POLA1: variants seen among roughly 807,000 people sequenced by gnomAD.
POLA1 encodes DNA polymerase alpha 1, catalytic subunit.
POLA1 carries 15 observed loss-of-function variants against 124.0 expected under a neutral mutation model. That is an observed-to-expected ratio of 0.12 (90% CI 0.08 to 0.19). The LOEUF (loss-of-function observed/expected upper bound fraction) is 0.19. Ranked by LOEUF, POLA1 falls within the 10% of genes least tolerant of loss-of-function variation. The pLI is 1.00. For synonymous variants in POLA1, 408 were observed against 389.4 expected, an observed-to-expected ratio of 1.05 and a Z score of -0.56; for missense variants, 886 against 1,103.4, an observed-to-expected ratio of 0.80 and a Z score of 2.79.
At chrX:24,714,521 A>G (rs750626929) in intron 4 of POLA1, 33 bp from the exon 5 acceptor site, 14 of 881,053 alleles carry the variant, frequency 1.6e-5, no homozygotes, top group East Asian at 3.2e-5. Flanking sequence ...ATTTTTGCTG[A>G]TGCATGTTTC....
chrX:24,921,425 T>C (rs915770079), intron 35 of POLA1, among the ~76,000 whole-genome samples: 1 of 112,295 alleles, frequency 8.9e-6, no homozygotes, highest in Non-Finnish European at 1.9e-5. Flanking sequence ...GGTATATAAA[T>C]GGAAATATCC....
Position 24,742,077 on chromosome X carries a change from A to G in POLA1, c.2422A>G (p.Ile808Val). ...LLHAFYENNY[I>V]VPDKQIFRKP... Reference sequence around the variant, plus strand: ...TCATGCATTTTACGAAAACAACTATATTGTGCCTGACAAGCAGATTTTCAG... The same window carrying G: ...TCATGCATTTTACGAAAACAACTATGTTGTGCCTGACAAGCAGATTTTCAG... Residue 808 changes from isoleucine (I) to valine (V), a missense_variant, in exon 22 of 37, where the codon ATT becomes GTT. This residue lies in a region of POLA1 where 182 missense variants were observed against 252.8 expected (regional missense o/e 0.72). Coordinates refer to ENST00000379068, the MANE Select transcript of POLA1 (RefSeq NM_001330360.2). 1 of 1,200,239 alleles carries G rather than the reference A, an allele frequency of 8.3e-7. No homozygotes were observed.
At chrX:24,960,850 C>CGTAT (rs1231796908) in intron 36 of POLA1, among the ~76,000 whole-genome samples, 1 of 111,985 alleles carries the variant, frequency 8.9e-6, no homozygotes, top group Admixed American at 9.5e-5. Context: ...CAATTTGATA[C>CGTAT]GTATGTAATG....
At chrX:24,895,098 A>T (rs1023700057) in intron 35 of POLA1, among the ~76,000 whole-genome samples, 1 of 111,734 alleles carries the variant, frequency 8.9e-6, no homozygotes, top group Non-Finnish European at 1.9e-5. Context: ...TAATAAGGCC[A>T]CATTCATAGG....
rs371106471 is a variant in POLA1 at position 24,716,364 on chromosome X, A to G, written c.528A>G (p.Thr176=). The G allele has an allele frequency of 2.9e-5, 32 of 1,116,335 alleles. No homozygotes were observed. The African/African-American group carries it at 5.4e-4, about 19-fold the overall frequency. 92.0% of individuals were successfully genotyped at this position (1,116,335 alleles called of 1,213,427 possible). The change falls in exon 7 of 37, where the codon ACA becomes ACG. Residue 176 remains threonine (T), a splice_region_variant and synonymous_variant. Coordinates refer to ENST00000379068, the MANE Select transcript of POLA1 (RefSeq NM_001330360.2). Reference sequence around the variant, plus strand: ...ATATGTCTTACCTTTCCTTTTAGACACCTCAAATAACTCCACCACCTGTAA... The same window carrying G: ...ATATGTCTTACCTTTCCTTTTAGACGCCTCAAATAACTCCACCACCTGTAA... The part of the protein sequence containing the change: ...GDILQDLNTE[T]PQITPPPVMI...
chrX:24,813,999 T>C (rs1365662956), intron 29 of POLA1, among the ~76,000 whole-genome samples: 1 of 111,555 alleles, frequency 9.0e-6, no homozygotes, highest in Non-Finnish European at 1.9e-5. Context: ...AGTTGGGAGA[T>C]TGAACAATTA....
chrX:24,927,430 C>G (rs1473720561), intron 35 of POLA1, among the ~76,000 whole-genome samples: 1 of 111,793 alleles, frequency 8.9e-6, no homozygotes, highest in African/African-American at 3.3e-5. Flanking sequence ...GTCCCCTGTG[C>G]CAGGTATCAA....
At chrX:24,901,278 A>G (rs1449378863) in intron 35 of POLA1, among the ~76,000 whole-genome samples, 2 of 111,577 alleles carry the variant, frequency 1.8e-5, no homozygotes, top group Non-Finnish European at 3.8e-5. Context: ...CAGTAATAGT[A>G]AGCAAAGGCC....
chrX:24,844,208 A>G (rs2147066574), intron 34 of POLA1, among the ~76,000 whole-genome samples: 1 of 112,105 alleles, frequency 8.9e-6, no homozygotes, highest in South Asian at 3.7e-4. Context: ...GGCATTCAAA[A>G]GAGAATATCT....
chrX:24,759,405 C>G (rs192498864), intron 26 of POLA1, among the ~76,000 whole-genome samples: 4 of 111,855 alleles, frequency 3.6e-5, no homozygotes, highest in Non-Finnish European at 5.6e-5. Context: ...TTTGTTCTAC[C>G]TAGCCCCTAA....
At chrX:24,827,611 A>G (rs962503140) in intron 32 of POLA1, among the ~76,000 whole-genome samples, 1 of 112,314 alleles carries the variant, frequency 8.9e-6, no homozygotes, top group African/African-American at 3.2e-5. Context: ...TAAAACATCT[A>G]GCTTTAGCCA....
At chrX:24,757,527 C>T (rs1932671734) in intron 26 of POLA1, among the ~76,000 whole-genome samples, 1 of 105,058 alleles carries the variant, frequency 9.5e-6, no homozygotes, top group Non-Finnish European at 1.9e-5. Flanking sequence ...GCAGGCTCCA[C>T]CTCCTGGGTT....
intron 26 of POLA1, among the ~76,000 whole-genome samples, chrX:24,790,094 G>A (rs2045462616): frequency 8.9e-6 from 1 of 112,020 alleles, no homozygotes; most frequent in Non-Finnish European, 1.9e-5. Flanking sequence ...AGAATCTAAA[G>A]GTGGGTTTGC....
intron 18 of POLA1, among the ~76,000 whole-genome samples, chrX:24,736,293 C>T: frequency 9.0e-6 from 1 of 111,726 alleles, no homozygotes; most frequent in Non-Finnish European, 1.9e-5. Flanking sequence ...ATCCTGAGTT[C>T]CTGTGGATAG....
At chrX:24,761,816 G>A (rs1056334791) in intron 26 of POLA1, among the ~76,000 whole-genome samples, 9 of 112,095 alleles carry the variant, frequency 8.0e-5, no homozygotes, top group Non-Finnish European at 5.6e-5. Context: ...GTACATGGAG[G>A]GAAATGGAGA....
chrX:24,993,908 C>G (rs1315013863), intron 36 of POLA1, among the ~76,000 whole-genome samples: 1 of 112,272 alleles, frequency 8.9e-6, no homozygotes, highest in Non-Finnish European at 1.9e-5. Context: ...CATTCTAACT[C>G]TGCTGTGTGG....
At chrX:24,752,569 A>G (rs1274189357) in intron 26 of POLA1, among the ~76,000 whole-genome samples, 3 of 112,151 alleles carry the variant, frequency 2.7e-5, no homozygotes, top group African/African-American at 9.7e-5. Context: ...ATCAGTTGTC[A>G]AATGTCTGAT....
intron 35 of POLA1, among the ~76,000 whole-genome samples, chrX:24,913,717 A>T (rs1480195568): frequency 1.0e-5 from 1 of 99,671 alleles, no homozygotes; most frequent in Non-Finnish European, 2.0e-5. Flanking sequence ...TCTGTCTCAA[A>T]AAAAAACAAA....
chrX:24,977,437 G>A (rs2048376622), intron 36 of POLA1, among the ~76,000 whole-genome samples: 1 of 111,834 alleles, frequency 8.9e-6, no homozygotes, highest in Non-Finnish European at 1.9e-5. Context: ...TATTTGACCT[G>A]TGTCCTTTTT....
Sources: allele counts gnomAD v4.1 joint callset (sites outside exome capture counted in the v4.1 genomes callset), GRCh38; gene constraint gnomAD v4.1.1; regional missense constraint gnomAD v4.1.1; transcripts MANE v1.5; gene names NCBI Gene and HGNC (gene_info 2026-07-23, HGNC 2026-07-21).